Variants in GALNS observed in about 807,000 individuals in gnomAD.
The protein encoded by GALNS is N-acetylgalactosamine-6-sulfatase.
In GALNS, 65 loss-of-function variants were observed where a neutral mutation model predicts 65.9. That is an observed-to-expected ratio of 0.99 (90% CI 0.81 to 1.21). GALNS has a LOEUF of 1.21. GALNS is among the 50% of genes most tolerant of loss of function. GALNS has a pLI of 0.00. For missense variants in GALNS, 776 were observed against 700.7 expected, an observed-to-expected ratio of 1.11 and a Z score of -1.21; for synonymous variants, 346 against 288.9, an observed-to-expected ratio of 1.20 and a Z score of -2.00.
At chr16:88,839,162 G>A (rs545839977) in intron 4 of GALNS, among the ~76,000 whole-genome samples, 28 of 150,152 alleles carry the variant, frequency 1.9e-4, no homozygotes, top group East Asian at 3.9e-4. Flanking sequence ...GCCCACGTCC[G>A]CTGGTCACCG....
Position 88,832,006 on chromosome 16 carries a change from C to T in GALNS, c.994G>A (p.Ala332Thr), listed in dbSNP as rs375029033. The T allele has an allele frequency of 6.2e-6, 10 of 1,613,278 alleles. No homozygotes were observed. The African/African-American group carries it at 1.1e-4, about 17-fold the overall frequency. ...ALAWWPGHVT[A>T]GQVSHQLGSI... ...GGTGGACGCTGACTCACCTGGCCTG[C>T]AGTGACGTGCCCTGGCCACCATGCG... Residue 332 changes from alanine to threonine, a missense_variant, in exon 9 of 14, where the codon GCA becomes ACA. Physicochemically the swap from Ala to Thr is moderately conservative, Grantham distance 58. Coordinates refer to ENST00000268695, the MANE Select transcript of GALNS (RefSeq NM_000512.5).
chr16:88,841,270 T>C (rs1966959642), intron 3 of GALNS, among the ~76,000 whole-genome samples, 176 bp from the exon 4 acceptor site: 1 of 152,168 alleles, frequency 6.6e-6, no homozygotes, highest in Non-Finnish European at 1.5e-5. Flanking sequence ...CCCAAGATTT[T>C]TCCAGGCACC....
At chr16:88,843,427 C>G in intron 1 of GALNS, 1 of 358,470 alleles carries the variant, frequency 2.8e-6, no homozygotes, top group South Asian at 2.1e-5. Context: ...CAGGAGCACC[C>G]TGAGCGCCCA....
intron 3 of GALNS, 66 bp from the exon 4 acceptor site, chr16:88,841,160 C>T: frequency 8.1e-7 from 1 of 1,239,382 alleles, no homozygotes; most frequent in Non-Finnish European, 1.2e-6. Flanking sequence ...CCCATCCTAA[C>T]AGGACACTGG....
chr16:88,848,989 T>C (rs559187), intron 1 of GALNS, among the ~76,000 whole-genome samples: 132,592 of 152,276 alleles, frequency 0.87, 57,907 homozygotes, highest in African/African-American at 0.93. Context: ...GGCCGCTCCT[T>C]GCCTCAGCCC....
chr16:88,814,205 C>T lies in GALNS; in HGVS notation c.*234G>A, dbSNP rs1597514766. The T allele has an allele frequency of 6.6e-6, 4 of 604,940 alleles. No homozygotes were observed. Among genetic ancestry groups the T allele is most frequent in the African/African-American group, 3.7e-5 (2 of 54,064 alleles). 37.5% of individuals were successfully genotyped at this position (604,940 alleles called of 1,614,324 possible). ...GGCAGGGTCCTGAGGTCTGAGGCGCCGTGGGCGAGGAGGAGGGTCCTGAAA... is the reference window on the plus strand; with the variant it reads ...GGCAGGGTCCTGAGGTCTGAGGCGCTGTGGGCGAGGAGGAGGGTCCTGAAA... On this transcript the variant is annotated 3_prime_UTR_variant, in exon 14 of 14. Coordinates refer to ENST00000268695, the MANE Select transcript of GALNS (RefSeq NM_000512.5).
intron 8 of GALNS, among the ~76,000 whole-genome samples, chr16:88,834,992 C>G (rs1911960759): frequency 6.6e-6 from 1 of 152,176 alleles, no homozygotes. Context: ...CCCTGTGTCA[C>G]CTCCTCCCCA....
intron 12 of GALNS, 147 bp from the exon 13 acceptor site, chr16:88,818,271 G>A (rs962571260): frequency 1.1e-5 from 8 of 720,288 alleles, no homozygotes; most frequent in African/African-American, 3.5e-5. Flanking sequence ...AGCCTGCAGC[G>A]GCCCCGGGCC....
chr16:88,817,198 A>T, intron 13 of GALNS: 4 of 985,356 alleles, frequency 4.1e-6, no homozygotes, highest in Non-Finnish European at 4.8e-6. Flanking sequence ...CAGGGGACAG[A>T]AAAGCTGCTC....
intron 9 of GALNS, among the ~76,000 whole-genome samples, chr16:88,829,593 C>T (rs373073634): frequency 2.6e-4 from 39 of 152,286 alleles, no homozygotes; most frequent in African/African-American, 7.9e-4. Flanking sequence ...TGGCAGTTGC[C>T]GCCCCCAGTC....
chr16:88,856,506 T>C (rs1429784205), intron 1 of GALNS: 1 of 698,036 alleles, frequency 1.4e-6, no homozygotes, highest in Non-Finnish European at 2.6e-6. Context: ...CGTGTGGTGA[T>C]CGGTGACCGC....
At chr16:88,818,925 G>T (rs574358910) in intron 12 of GALNS, among the ~76,000 whole-genome samples, 1 of 152,082 alleles carries the variant, frequency 6.6e-6, no homozygotes, top group Non-Finnish European at 1.5e-5. Context: ...GACGTGGACC[G>T]GAGCAGCCAC....
At chr16:88,846,547 G>C (rs1967255008) in intron 1 of GALNS, among the ~76,000 whole-genome samples, 1 of 109,092 alleles carries the variant, frequency 9.2e-6, no homozygotes, top group East Asian at 2.9e-4. Flanking sequence ...ACGAAGTCTT[G>C]CTGTTGTCGC....
At chr16:88,840,671 G>A (rs1289582177) in intron 4 of GALNS, 5 of 420,982 alleles carry the variant, frequency 1.2e-5, no homozygotes, top group African/African-American at 2.0e-5. Flanking sequence ...CTCCAAGGAC[G>A]ACGTGGCAGG....
At chr16:88,835,118 G>A (rs1911974290) in intron 8 of GALNS, 95 bp downstream of exon 8, 3 of 1,485,228 alleles carry the variant, frequency 2.0e-6, no homozygotes, top group Admixed American at 3.9e-5. Flanking sequence ...TTCATGCTCT[G>A]CCCACCACAG....
chr16:88,851,377 G>C (rs1199774674), intron 1 of GALNS, among the ~76,000 whole-genome samples: 1 of 152,180 alleles, frequency 6.6e-6, no homozygotes, highest in East Asian at 1.9e-4. Flanking sequence ...AATTAGCCGG[G>C]TGTGGGGATT....
chr16:88,826,768 G>A lies in GALNS; in HGVS notation c.1073C>T (p.Pro358Leu), dbSNP rs757439762. 3.7e-6 allele frequency: 6 copies of A among 1,608,702 alleles called. No homozygotes were observed. The highest frequency in any genetic ancestry group is 5.1e-6 in the Non-Finnish European group (6 of 1,178,176). ...TSLALAGLTP[P>L]SDRAIDGLNL... is the part of the protein sequence containing the mutation. ...GAGGCCATCAATGGCCCTGTCGCTG[G>A]GCGGCGTCAGGCCCGCAAGGGCCAG... The change falls in exon 10 of 14, where the codon CCC (proline) becomes CTC (leucine). Residue 358 changes from proline (P) to leucine (L), a missense_variant. Physicochemically the swap from Pro to Leu is moderately conservative, Grantham distance 98. Transcript: ENST00000268695.
rs567507214 is a variant in GALNS, at chr16:88,824,779, C to T, written c.1230G>A (p.Glu410=). ...AHFWTWTNSW[E]NFRQGIDFCP... ...CCGAGCCCTGTACCTGTCTGAAGTTCTCCCAGGAGTTGGTCCAGGTCCAGA... is the reference window on the plus strand; with the variant it reads ...CCGAGCCCTGTACCTGTCTGAAGTTTTCCCAGGAGTTGGTCCAGGTCCAGA... Residue 410 remains glutamate (E), a synonymous_variant, in exon 11 of 14, where the codon GAG becomes GAA. Coordinates refer to ENST00000268695, the MANE Select transcript of GALNS (RefSeq NM_000512.5). 20 of 1,613,392 alleles carry T rather than the reference C, an allele frequency of 1.2e-5. No individual in the cohort carries two copies. In the South Asian group the frequency reaches 1.6e-4, roughly 13 times the overall value.
At position 88,815,064 on chromosome 16, in the gene GALNS, T is replaced by G. The variant is rs536583629; in HGVS notation, c.1483-539A>C. On this transcript the variant is annotated intron_variant, in intron 13 of 13. Transcript: ENST00000268695. ...AGTTTTGATGTGTCCCCTGCCCAGG[T>G]CAACCCCGGACCCCAACCAATTGGC... 6.9e-6 allele frequency: 6 copies of G among 874,966 alleles called. No individual in the cohort carries two copies. In the East Asian group the frequency reaches 1.3e-3, roughly 186 times the overall value. 54.2% of individuals were successfully genotyped at this position (874,966 alleles called of 1,614,324 possible). A position where few individuals can be genotyped will look rare whatever the true frequency, so the allele number is the denominator to read the frequency against.
Sources: gnomAD v4.1 joint callset for allele counts (sites outside exome capture counted in the v4.1 genomes callset) on GRCh38, gnomAD v4.1.1 for gene constraint, MANE v1.5 for transcripts, NCBI Gene and HGNC (gene_info 2026-07-23, HGNC 2026-07-21) for gene names.